The following SUGP1 variants were observed in gnomAD, a reference collection of about 807,000 sequenced individuals.
The protein encoded by SUGP1 is SURP and G-patch domain containing 1.
Under a neutral mutation model 76.5 loss-of-function variants are expected in SUGP1, and 34 were observed. The ratio of observed to expected loss-of-function variants is 0.44; its 90% CI spans 0.34 to 0.59. The LOEUF is 0.59. Among genes scored for constraint, SUGP1 ranks in the 20% least tolerant of loss-of-function variants. SUGP1 has a pLI of 0.01. For synonymous variants in SUGP1, 326 were observed against 326.2 expected, an observed-to-expected ratio of 1.00 and a Z score of 0.01; for missense variants, 752 against 851.7, an observed-to-expected ratio of 0.88 and a Z score of 1.46.
chr19:19,282,616 T>G (rs766858011), intron 8 of SUGP1, among the ~76,000 whole-genome samples: 8 of 152,100 alleles, frequency 5.3e-5, no homozygotes, highest in Non-Finnish European at 1.0e-4. Flanking sequence ...ACACCTACAC[T>G]AGATATTACA....
intron 8 of SUGP1, chr19:19,280,677 C>T (rs138943850): frequency 9.9e-6 from 2 of 203,018 alleles, no homozygotes; most frequent in Admixed American, 1.1e-4. Flanking sequence ...CACGCACAAA[C>T]GGGCTCTCAG....
At chr19:19,314,109 C>T (rs1056769446) in intron 2 of SUGP1, among the ~76,000 whole-genome samples, 4 of 151,940 alleles carry the variant, frequency 2.6e-5, no homozygotes, top group Admixed American at 6.6e-5. Context: ...TGCACTCCAG[C>T]CTGGGCGGCT....
chr19:19,310,881 C>T (rs1356037559), intron 2 of SUGP1, among the ~76,000 whole-genome samples: 5 of 151,942 alleles, frequency 3.3e-5, no homozygotes, highest in Non-Finnish European at 7.4e-5. Flanking sequence ...AACCTCAAGC[C>T]ATCCTCCCAC....
At chr19:19,318,052 C>T (rs983618922) in intron 1 of SUGP1, among the ~76,000 whole-genome samples, 1 of 150,720 alleles carries the variant, frequency 6.6e-6, no homozygotes, top group African/African-American at 2.4e-5. Flanking sequence ...CTCAAGGGAA[C>T]CTCCAATTTA....
chr19:19,302,867 G>T (rs2061282737), intron 6 of SUGP1, among the ~76,000 whole-genome samples: 1 of 152,242 alleles, frequency 6.6e-6, no homozygotes, highest in South Asian at 2.1e-4. Context: ...TGCAGTCAAA[G>T]ACCAGCCAGT....
intron 8 of SUGP1, chr19:19,281,245 G>A (rs1366792637): frequency 6.6e-6 from 1 of 152,186 alleles, no homozygotes; most frequent in Admixed American, 6.5e-5. Flanking sequence ...TGGATCAGTG[G>A]GACTTGAACC....
At chr19:19,306,194 G>A in intron 3 of SUGP1, 118 bp from the exon 4 acceptor site, 1 of 989,440 alleles carries the variant, frequency 1.0e-6, no homozygotes, top group Non-Finnish European at 1.4e-6. Flanking sequence ...CCAGAACTCA[G>A]GGGCTCAGAG....
At chr19:19,279,149 C>A in intron 10 of SUGP1, 64 bp downstream of exon 10, 1 of 1,473,832 alleles carries the variant, frequency 6.8e-7, no homozygotes, top group African/African-American at 1.4e-5. Context: ...TCCAGGTAAC[C>A]TTCCAGGGCA....
intron 8 of SUGP1, 69 bp from the exon 9 acceptor site, chr19:19,280,360 T>G: frequency 7.1e-7 from 1 of 1,412,726 alleles, no homozygotes; most frequent in Non-Finnish European, 9.9e-7. Context: ...TGCGCTGGGG[T>G]GTGCTGTGAG....
Position 19,320,484 on chromosome 19 carries a change from T to C in SUGP1, c.13A>G (p.Met5Val), listed in dbSNP as rs139043355. 5.6e-6 allele frequency: 9 copies of C among 1,610,352 alleles called. No homozygotes were observed. Among genetic ancestry groups the C allele is most frequent in the Non-Finnish European group, 7.6e-6 (9 of 1,178,676 alleles). MSLK[M>V]DNRDVAGKAN... is the part of the protein sequence containing the mutation. ...TTACCTGCAACATCCCGGTTGTCCATCTTGAGACTCATCCAATCCCACAAT... is the reference window on the plus strand; with the variant it reads ...TTACCTGCAACATCCCGGTTGTCCACCTTGAGACTCATCCAATCCCACAAT... The change falls in exon 1 of 14, where the codon ATG becomes GTG. Residue 5 changes from methionine (M) to valine (V), a missense_variant. Physicochemically the swap from Met to Val is conservative, Grantham distance 21 (BLOSUM62 1). Around this residue, in one of 2 missense-constraint regions of SUGP1, gnomAD observed 620 missense variants for 617.3 expected, o/e 1.00. Coordinates refer to ENST00000247001, the MANE Select transcript of SUGP1 (RefSeq NM_172231.4).
intron 8 of SUGP1, among the ~76,000 whole-genome samples, chr19:19,295,225 CAA>C (rs202215211): frequency 2.2e-5 from 3 of 139,056 alleles, no homozygotes; most frequent in Non-Finnish European, 1.6e-5. Context: ...GTCTCTACTA[CAA>C]AAAAAAAAAA....
At chr19:19,285,892 G>A (rs1250361019) in intron 8 of SUGP1, among the ~76,000 whole-genome samples, 2 of 152,100 alleles carry the variant, frequency 1.3e-5, no homozygotes, top group African/African-American at 4.8e-5. Flanking sequence ...GCAGGATAAC[G>A]CTACTGTTTT....
intron 6 of SUGP1, 154 bp from the exon 7 acceptor site, chr19:19,302,542 G>GC: frequency 8.8e-7 from 1 of 1,130,752 alleles, no homozygotes; most frequent in Non-Finnish European, 1.2e-6. Flanking sequence ...GGGACCAGAT[G>GC]CCAGAATTCA....
intron 3 of SUGP1, among the ~76,000 whole-genome samples, chr19:19,307,735 G>A (rs754607833): frequency 2.0e-5 from 3 of 151,166 alleles, no homozygotes; most frequent in Admixed American, 6.6e-5. Flanking sequence ...CTCAGCTCAC[G>A]TGAGCAGAGC....
At position 19,277,068 on chromosome 19, in the gene SUGP1, G is replaced by A. The variant is rs2061056152; in HGVS notation, c.1790C>T (p.Thr597Ile). The A allele has an allele frequency of 1.9e-6, 3 of 1,610,452 alleles. No individual in the cohort carries two copies. Among genetic ancestry groups the A allele is most frequent in the Non-Finnish European group, 2.5e-6 (3 of 1,179,614 alleles). The change falls in exon 13 of 14, where the codon ACC becomes ATC. Residue 597 changes from threonine (T) to isoleucine (I), a missense_variant. Physicochemically the swap from Thr to Ile is moderately conservative, Grantham distance 89. Transcript: ENST00000247001. ...GCCGAAGCCAGCGCCGTCCACTGTG[G>A]TGGTGCCCCTACAGGGAGAAGAGGA... Reference protein sequence around the residue: ...GIKNPVNKGTTTVDGAGFGID... With the variant: ...GIKNPVNKGTITVDGAGFGID...
rs771863379 is a variant in SUGP1, at chr19:19,302,270, T to C, written c.882A>G (p.Ala294=). The C allele has an allele frequency of 4.3e-6, 7 of 1,614,056 alleles. No individual in the cohort carries two copies. Among genetic ancestry groups the C allele is most frequent in the Non-Finnish European group, 5.1e-6 (6 of 1,180,018 alleles). The part of the protein sequence containing the change: ...IALQNNRENQ[A]FSFLYEPNSQ... Reference sequence around the variant, plus strand: ...CCTGGCAGGGCCCCCCTTACCTGAATGCCTGGTTCTCACGGTTGTTCTGGA... The same window carrying C: ...CCTGGCAGGGCCCCCCTTACCTGAACGCCTGGTTCTCACGGTTGTTCTGGA... The change falls in exon 7 of 14, where the codon GCA becomes GCG. Residue 294 remains alanine (A), a synonymous_variant. Transcript: ENST00000247001.
intron 2 of SUGP1, among the ~76,000 whole-genome samples, chr19:19,315,011 G>C (rs573283681): frequency 6.6e-6 from 1 of 151,752 alleles, no homozygotes; most frequent in East Asian, 1.9e-4. Flanking sequence ...TCTAGCCTAG[G>C]CAACAAAAAA....
intron 6 of SUGP1, 109 bp from the exon 7 acceptor site, chr19:19,302,497 G>A (rs1192440828): frequency 6.9e-7 from 1 of 1,458,132 alleles, no homozygotes; most frequent in Non-Finnish European, 9.3e-7. Context: ...ATGATGCAAA[G>A]AGAAACAGGC....
Position 19,316,462 on chromosome 19 carries a change from G to T in SUGP1, c.166C>A (p.Gln56Lys). 1.2e-6 allele frequency: 2 copies of T among 1,613,896 alleles called. No individual in the cohort carries two copies. Among genetic ancestry groups the T allele is most frequent in the South Asian group, 2.2e-5 (2 of 91,084 alleles). The change falls in exon 2 of 14, where the codon CAG (glutamine) becomes AAG (lysine). Residue 56 changes from glutamine (Q) to lysine (K), a missense_variant. By Grantham distance (53) the Gln-to-Lys change is moderately conservative. This residue lies in a region of SUGP1 where 620 missense variants were observed against 617.3 expected (regional missense o/e 1.00). Coordinates refer to ENST00000247001, the MANE Select transcript of SUGP1 (RefSeq NM_172231.4). ...IEAKMEQKAK[Q>K]NQVASPQPPH... ...GGCTGAGGGCTGGCCACCTGATTCT[G>T]CTTGGCTTTCTGTTCCATTTTGGCT...
Sources: allele counts gnomAD v4.1 joint callset (sites outside exome capture counted in the v4.1 genomes callset), GRCh38; gene constraint gnomAD v4.1.1; regional missense constraint gnomAD v4.1.1; transcripts MANE v1.5; gene names NCBI Gene and HGNC (gene_info 2026-07-23, HGNC 2026-07-21).